VPS13B: variants seen among roughly 807,000 people sequenced by gnomAD.
VPS13B encodes the protein vacuolar protein sorting 13 homolog B.
A neutral mutation model predicts 426.4 loss-of-function variants in VPS13B; 285 were observed. The ratio of observed to expected loss-of-function variants is 0.67; its 90% CI spans 0.61 to 0.74. VPS13B has a LOEUF of 0.74. Ranked by LOEUF, VPS13B falls within the 30% of genes least tolerant of loss-of-function variation. The pLI is 0.00. For missense variants in VPS13B, 4,537 were observed against 4,782.6 expected, an observed-to-expected ratio of 0.95 and a Z score of 1.51; for synonymous variants, 1,676 against 1,676.4, an observed-to-expected ratio of 1.00 and a Z score of 0.01.
At chr8:99,225,905 C>T (rs988481706) in intron 17 of VPS13B, among the ~76,000 whole-genome samples, 3 of 152,108 alleles carry the variant, frequency 2.0e-5, no homozygotes, top group African/African-American at 4.8e-5. Flanking sequence ...ATGACCTTCT[C>T]TTAGACTCAT....
At chr8:99,091,952 G>C (rs543432264) in intron 3 of VPS13B, 1 of 152,202 alleles carries the variant, frequency 6.6e-6, no homozygotes, top group African/African-American at 2.4e-5. Context: ...TCCTTCTTCA[G>C]CTCTTTCCTG....
At chr8:99,226,353 C>G (rs1168788063) in intron 17 of VPS13B, among the ~76,000 whole-genome samples, 3 of 152,128 alleles carry the variant, frequency 2.0e-5, no homozygotes, top group Non-Finnish European at 2.9e-5. Flanking sequence ...TTTAGGTGTA[C>G]TTCTTTTAAG....
intron 22 of VPS13B, 29 bp from the exon 23 acceptor site, chr8:99,442,372 A>T: frequency 6.3e-7 from 1 of 1,596,954 alleles, no homozygotes; most frequent in East Asian, 2.2e-5. Context: ...GTCTAATCCG[A>T]ATATTTTAAT....
rs191305444 is a variant in VPS13B, at chr8:99,436,901, G to C, written c.3210+5237G>C. On this transcript the variant is annotated intron_variant, in intron 22 of 61. Transcript: ENST00000357162. ...CTACAGGTGCCCGCCACCATGCCCA[G>C]CTAATTTTTTTGTATTTTTAGTAGA... Among the ~76,000 whole-genome samples, 1,452 of 152,148 alleles carry C rather than the reference G, an allele frequency of 9.5e-3. 14 individuals are homozygous for C. Among genetic ancestry groups the C allele is most frequent in the Non-Finnish European group, 0.013 (872 of 67,986 alleles).
chr8:99,200,281 AT>A (rs1320453177), intron 17 of VPS13B, among the ~76,000 whole-genome samples: 1 of 152,006 alleles, frequency 6.6e-6, no homozygotes, highest in Non-Finnish European at 1.5e-5. Context: ...CATATACCAT[AT>A]TTTGTTAATT....
At chr8:99,326,880 T>G (rs1319503445) in intron 19 of VPS13B, among the ~76,000 whole-genome samples, 1 of 152,220 alleles carries the variant, frequency 6.6e-6, no homozygotes, top group Non-Finnish European at 1.5e-5. Context: ...TGTGTTTGCC[T>G]CTGGCATTCA....
At chr8:99,166,597 C>T (rs1376509542) in intron 15 of VPS13B, among the ~76,000 whole-genome samples, 4 of 152,170 alleles carry the variant, frequency 2.6e-5, no homozygotes, top group Non-Finnish European at 4.4e-5. Flanking sequence ...TAAATGGAAA[C>T]GCATCTCATC....
intron 19 of VPS13B, among the ~76,000 whole-genome samples, chr8:99,289,626 G>A (rs1278917946): frequency 1.3e-5 from 2 of 152,024 alleles, no homozygotes; most frequent in African/African-American, 4.8e-5. Flanking sequence ...TGTAGTTGAC[G>A]AAAAGCAAGC....
intron 21 of VPS13B, among the ~76,000 whole-genome samples, chr8:99,412,581 G>A (rs1032412039): frequency 6.6e-6 from 1 of 152,086 alleles, no homozygotes; most frequent in African/African-American, 2.4e-5. Flanking sequence ...ATGCCTGATT[G>A]CCCTGGCCAA....
chr8:99,396,697 C>T (rs1011070492), intron 21 of VPS13B, among the ~76,000 whole-genome samples: 3 of 152,040 alleles, frequency 2.0e-5, no homozygotes, highest in Admixed American at 2.0e-4. Flanking sequence ...AAAGATTTTG[C>T]ATCAGAGTTA....
chr8:99,134,533 C>A, intron 8 of VPS13B, 99 bp from the exon 9 acceptor site: 1 of 952,730 alleles, frequency 1.0e-6, no homozygotes, highest in Admixed American at 2.5e-5. Flanking sequence ...TTTCCTGAAT[C>A]TTAAAATTGG....
chr8:99,525,622 T>G (rs537404924), intron 30 of VPS13B, among the ~76,000 whole-genome samples: 1 of 152,342 alleles, frequency 6.6e-6, no homozygotes, highest in African/African-American at 2.4e-5. Flanking sequence ...GAGGCTACTG[T>G]ACATCAGGCA....
At chr8:99,703,518 C>T (rs1485356309) in intron 36 of VPS13B, among the ~76,000 whole-genome samples, 2 of 152,060 alleles carry the variant, frequency 1.3e-5, no homozygotes, top group East Asian at 1.9e-4. Context: ...ATTAAAAGTA[C>T]ATCTCCTTTA....
chr8:99,231,266 CTT>C (rs112920734), intron 17 of VPS13B, among the ~76,000 whole-genome samples: 1 of 146,448 alleles, frequency 6.8e-6, no homozygotes, highest in Non-Finnish European at 1.5e-5. Context: ...TAACCTAGTA[CTT>C]TTTTTTTTTT....
At chr8:99,622,923 C>T (rs986851276) in intron 33 of VPS13B, among the ~76,000 whole-genome samples, 1 of 152,194 alleles carries the variant, frequency 6.6e-6, no homozygotes, top group African/African-American at 2.4e-5. Flanking sequence ...TTACCATCAT[C>T]TCTCACCTAG....
intron 25 of VPS13B, among the ~76,000 whole-genome samples, chr8:99,482,207 A>G (rs189032301): frequency 1.3e-5 from 2 of 152,106 alleles, no homozygotes; most frequent in South Asian, 2.1e-4. Context: ...GTGGTTTTCA[A>G]CCCTATCAGA....
chr8:99,697,987 T>C (rs2130164098), intron 35 of VPS13B: 2 of 402,764 alleles, frequency 5.0e-6, no homozygotes, highest in East Asian at 1.2e-4. Context: ...AGGAGAAGAC[T>C]GAGAAGGAGG....
chr8:99,116,146 G>A (rs965026396), intron 7 of VPS13B, among the ~76,000 whole-genome samples: 6 of 152,006 alleles, frequency 3.9e-5, no homozygotes, highest in African/African-American at 1.4e-4. Flanking sequence ...TCTTGCCTCA[G>A]CCTCCCAAGT....
intron 30 of VPS13B, among the ~76,000 whole-genome samples, chr8:99,552,577 GT>G (rs200586050): frequency 0.065 from 9,069 of 139,526 alleles, 347 homozygotes; most frequent in African/African-American, 0.11. Flanking sequence ...TTTTTATTTT[GT>G]TTTTTTTTTT....
Sources: allele counts gnomAD v4.1 joint callset (sites outside exome capture counted in the v4.1 genomes callset), GRCh38; gene constraint gnomAD v4.1.1; transcripts MANE v1.5; gene names NCBI Gene and HGNC (gene_info 2026-07-23, HGNC 2026-07-21).